The following NT5DC1 variants were observed in gnomAD, a reference collection of about 807,000 sequenced individuals.
The protein encoded by NT5DC1 is 5'-nucleotidase domain containing 1.
In NT5DC1, 42 loss-of-function variants were observed where a neutral mutation model predicts 59.4. That is an observed-to-expected ratio of 0.71 (90% CI 0.55 to 0.92). The LOEUF is 0.92. Among genes scored for constraint, NT5DC1 ranks in the 40% least tolerant of loss-of-function variants. NT5DC1 has a pLI of 0.00. For missense variants in NT5DC1, 501 were observed against 537.1 expected, an observed-to-expected ratio of 0.93 and a Z score of 0.66; for synonymous variants, 172 against 188.1, an observed-to-expected ratio of 0.91 and a Z score of 0.70.
chr6:116,176,701 G>T (rs372469051), intron 6 of NT5DC1, among the ~76,000 whole-genome samples: 1 of 152,208 alleles, frequency 6.6e-6, no homozygotes, highest in East Asian at 1.9e-4. Flanking sequence ...TGTTGGACTT[G>T]CTGCCCTTCC....
intron 8 of NT5DC1, among the ~76,000 whole-genome samples, chr6:116,229,547 A>G (rs1320299807): frequency 6.6e-6 from 1 of 152,138 alleles, no homozygotes; most frequent in Admixed American, 6.5e-5. Context: ...TTAAGGATGT[A>G]TGGAGGGGAG....
At chr6:116,240,829 G>C (rs1368826040) in intron 11 of NT5DC1, among the ~76,000 whole-genome samples, 1 of 152,132 alleles carries the variant, frequency 6.6e-6, no homozygotes, top group Admixed American at 6.5e-5. Context: ...TATATACCCA[G>C]TTAAACATTG....
intron 4 of NT5DC1, among the ~76,000 whole-genome samples, chr6:116,112,484 C>G (rs954076342): frequency 6.6e-6 from 1 of 152,064 alleles, no homozygotes; most frequent in South Asian, 2.1e-4. Flanking sequence ...TCTTCAACTC[C>G]TGTCCTATTT....
chr6:116,193,087 C>T (rs1305090960), intron 6 of NT5DC1, among the ~76,000 whole-genome samples: 1 of 152,032 alleles, frequency 6.6e-6, no homozygotes, highest in Admixed American at 6.6e-5. Context: ...TACAGACTCT[C>T]ATATATTACC....
At chr6:116,157,786 A>G (rs1402769289) in intron 6 of NT5DC1, among the ~76,000 whole-genome samples, 1 of 152,214 alleles carries the variant, frequency 6.6e-6, no homozygotes, top group Non-Finnish European at 1.5e-5. Context: ...TAACGGGGAA[A>G]TCAAAAACTG....
At position 116,248,355 on chromosome 6, in the gene NT5DC1, A is replaced by T. The variant is rs1051374413; in HGVS notation, c.*4331A>T. 6.6e-6 allele frequency: 1 copy of T among 152,234 alleles called. No homozygotes were observed. Among genetic ancestry groups the T allele is most frequent in the Non-Finnish European group, 1.5e-5 (1 of 68,034 alleles). 9.4% of individuals were successfully genotyped at this position (152,234 alleles called of 1,614,324 possible). A position where few individuals can be genotyped will look rare whatever the true frequency, so the allele number is the denominator to read the frequency against. On this transcript the variant is annotated 3_prime_UTR_variant, in exon 12 of 12. Coordinates refer to ENST00000319550, the MANE Select transcript of NT5DC1 (RefSeq NM_152729.3). ...CTCAGATCTTTTGAGGAGATTGTGA[A>T]GCCAGGGAATAAGTAACTGAAACAA...
chr6:116,168,091 T>C (rs1383672428), intron 6 of NT5DC1, among the ~76,000 whole-genome samples: 1 of 151,204 alleles, frequency 6.6e-6, no homozygotes, highest in Admixed American at 6.6e-5. Flanking sequence ...GTCTTTTTTT[T>C]TTTTTTTTTT....
chr6:116,145,941 A>G lies in NT5DC1; in HGVS notation c.529+27996A>G, dbSNP rs139137397. 3.4e-3 allele frequency among the ~76,000 whole-genome samples: 511 copies of G among 152,334 alleles called. 11 individuals are homozygous for G. In the South Asian group the frequency reaches 0.043, roughly 13 times the overall value. ...TCTTTGGTAACTCTTTCAATTTGGT[A>G]TGCAGTCTAGTGTTTGTACAGAGCA... On this transcript the variant is annotated intron_variant, in intron 6 of 11. Coordinates refer to ENST00000319550, the MANE Select transcript of NT5DC1 (RefSeq NM_152729.3).
chr6:116,182,222 A>AGAGTGTGTGTGTGTGTGTGTGTGTGTGT (rs148509481), intron 6 of NT5DC1, among the ~76,000 whole-genome samples: 3 of 124,688 alleles, frequency 2.4e-5, no homozygotes, highest in South Asian at 5.7e-4. Flanking sequence ...TTCCATGGAG[A>AGAGTGTGTGTGTGTGTGTGTGTGTGTGT]GTGTGTGTGT....
intron 6 of NT5DC1, among the ~76,000 whole-genome samples, chr6:116,180,294 ATTATC>A (rs1192921949): frequency 1.3e-5 from 2 of 152,106 alleles, no homozygotes; most frequent in Non-Finnish European, 2.9e-5. Flanking sequence ...GAATGAAACA[ATTATC>A]TTATTTCTCT....
chr6:116,183,013 A>G (rs1457902818), intron 6 of NT5DC1, among the ~76,000 whole-genome samples: 1 of 152,100 alleles, frequency 6.6e-6, no homozygotes, highest in Non-Finnish European at 1.5e-5. Context: ...TTTGGGTCTT[A>G]GATTTAAGTT....
At chr6:116,114,783 C>A (rs1778935453) in intron 4 of NT5DC1, among the ~76,000 whole-genome samples, 1 of 151,974 alleles carries the variant, frequency 6.6e-6, no homozygotes, top group African/African-American at 2.4e-5. Context: ...TTGGGACTTC[C>A]AAGGAGAAGC....
chr6:116,103,061 T>C lies in NT5DC1; in HGVS notation c.93+2038T>C, dbSNP rs144978784. Among the ~76,000 whole-genome samples the C allele has an allele frequency of 2.5e-3, 388 of 152,346 alleles. 10 individuals are homozygous for C. In the South Asian group the frequency reaches 0.044, roughly 17 times the overall value. On this transcript the variant is annotated intron_variant, in intron 1 of 11. Coordinates refer to ENST00000319550, the MANE Select transcript of NT5DC1 (RefSeq NM_152729.3). Reference sequence around the variant, plus strand: ...ACCCTTCATTCCTCATAGCACATGCTGCATGATATTAACACTTCCTGTTTA... The same window carrying C: ...ACCCTTCATTCCTCATAGCACATGCCGCATGATATTAACACTTCCTGTTTA...
intron 6 of NT5DC1, among the ~76,000 whole-genome samples, chr6:116,210,572 A>G (rs1781555550): frequency 6.6e-6 from 1 of 151,946 alleles, no homozygotes; most frequent in Admixed American, 6.6e-5. Context: ...CGGGAATCAT[A>G]TAGGACCTGT....
chr6:116,138,050 C>T (rs1045327627), intron 6 of NT5DC1, among the ~76,000 whole-genome samples: 1 of 151,964 alleles, frequency 6.6e-6, no homozygotes, highest in African/African-American at 2.4e-5. Flanking sequence ...TGCACTCCCG[C>T]CTGGGTGACA....
chr6:116,179,726 T>A (rs17077634), intron 6 of NT5DC1, among the ~76,000 whole-genome samples: 4 of 152,108 alleles, frequency 2.6e-5, no homozygotes, highest in Admixed American at 2.6e-4. Flanking sequence ...TCAATAATTA[T>A]AAGATTCTGG....
rs1491426656 is a variant in NT5DC1 at position 116,178,088 on chromosome 6, T to TGTGTGTGC, written c.530-42965_530-42964insTGTGTGCG. Among the ~76,000 whole-genome samples the TGTGTGTGC allele has an allele frequency of 3.8e-3, 374 of 99,620 alleles. 2 individuals carry two copies. The highest frequency in any genetic ancestry group is 0.017 in the African/African-American group (365 of 21,448). 65.4% of individuals were successfully genotyped at this position (99,620 alleles called of 152,430 possible). On this transcript the variant is annotated intron_variant, in intron 6 of 11. Transcript: ENST00000319550. ...GTGTGTGTGTGTGTGTGTGTGTGTG[T>TGTGTGTGC]GCGCGCGCGCGCGCGTGCGTGCGTG...
intron 8 of NT5DC1, among the ~76,000 whole-genome samples, chr6:116,225,765 G>A (rs1781894520): frequency 6.6e-6 from 1 of 152,234 alleles, no homozygotes; most frequent in South Asian, 2.1e-4. Context: ...TTAGCTAGAA[G>A]ACAGTGTAGG....
intron 6 of NT5DC1, among the ~76,000 whole-genome samples, chr6:116,182,324 T>C (rs1482917240): frequency 6.6e-6 from 1 of 152,032 alleles, no homozygotes; most frequent in Admixed American, 6.6e-5. Context: ...ATTTTAGCAG[T>C]TGCAAATTGT....
Sources: allele counts gnomAD v4.1 joint callset (sites outside exome capture counted in the v4.1 genomes callset), GRCh38; gene constraint gnomAD v4.1.1; transcripts MANE v1.5; gene names NCBI Gene and HGNC (gene_info 2026-07-23, HGNC 2026-07-21).